KANSL1: variants seen among roughly 807,000 people sequenced by gnomAD.
KANSL1 encodes the protein KAT8 regulatory NSL complex subunit 1.
KANSL1 carries 22 observed loss-of-function variants against 103.6 expected under a neutral mutation model. The observed-to-expected ratio is 0.21, with a 90% confidence interval of 0.15 to 0.30. The LOEUF is 0.30. KANSL1 is among the 10% of genes least tolerant of loss of function. The probability of loss-of-function intolerance (pLI) is 1.00; values close to 1 mark genes in which losing one functional copy is unlikely to be tolerated. For missense variants in KANSL1, 1,337 were observed against 1,399.8 expected, an observed-to-expected ratio of 0.96 and a Z score of 0.72; for synonymous variants, 600 against 527.6, an observed-to-expected ratio of 1.14 and a Z score of -1.88.
At position 46,031,441 on chromosome 17, in the gene KANSL1, T is replaced by G; in HGVS notation, c.*35A>C. The G allele has an allele frequency of 6.6e-7, 1 of 1,525,706 alleles. No individual in the cohort carries two copies. Among genetic ancestry groups the G allele is most frequent in the South Asian group, 1.2e-5 (1 of 84,278 alleles). The allele number at this position is 1,525,706 out of a possible 1,614,324, so 94.5% of individuals were successfully genotyped here. On this transcript the variant is annotated 3_prime_UTR_variant, in exon 15 of 15. Coordinates refer to ENST00000432791, the MANE Select transcript of KANSL1 (RefSeq NM_015443.4). Reference sequence around the variant, plus strand: ...GAGATTTCTGAAGCTTTAATGCCAATAGTTAGTGAGTCTGTTTAGATGGCT... The same window carrying G: ...GAGATTTCTGAAGCTTTAATGCCAAGAGTTAGTGAGTCTGTTTAGATGGCT...
chr17:46,065,468 T>C (rs2078344215), intron 6 of KANSL1, among the ~76,000 whole-genome samples: 1 of 152,102 alleles, frequency 6.6e-6, no homozygotes, highest in Non-Finnish European at 1.5e-5. Flanking sequence ...ACAACAAAAG[T>C]GGTAACAATA....
intron 1 of KANSL1, among the ~76,000 whole-genome samples, chr17:46,212,514 C>A (rs1404770453): frequency 6.6e-6 from 1 of 152,184 alleles, no homozygotes; most frequent in South Asian, 2.1e-4. Flanking sequence ...CCACCGCACC[C>A]GGCCAGAAAA....
chr17:46,219,927 C>T (rs137877621), intron 1 of KANSL1, among the ~76,000 whole-genome samples: 7,405 of 151,282 alleles, frequency 0.049, 348 homozygotes, highest in East Asian at 0.3. Context: ...CACGGTGAAA[C>T]TCCGTCTCTA....
At chr17:46,177,872 G>T (rs8068365) in intron 1 of KANSL1, among the ~76,000 whole-genome samples, 4,461 of 152,084 alleles carry the variant, frequency 0.029, 181 homozygotes, top group African/African-American at 0.09. Flanking sequence ...CCACCTCCCG[G>T]GTTCACGCCA....
At chr17:46,093,810 A>G (rs1266469300) in intron 3 of KANSL1, 2 of 152,248 alleles carry the variant, frequency 1.3e-5, no homozygotes, top group Non-Finnish European at 2.9e-5. Flanking sequence ...CTAATATAAA[A>G]AATACTTTGC....
intron 2 of KANSL1, among the ~76,000 whole-genome samples, chr17:46,100,999 G>A (rs934515989): frequency 2.6e-5 from 4 of 152,184 alleles, no homozygotes; most frequent in African/African-American, 7.2e-5. Context: ...ATTCACACTG[G>A]TAGATAAATT....
chr17:46,170,104 T>C (rs1196647341), intron 2 of KANSL1, among the ~76,000 whole-genome samples: 1 of 152,122 alleles, frequency 6.6e-6, no homozygotes. Context: ...ATCGCACTAC[T>C]GCACTCCTGC....
chr17:46,215,782 T>C (rs145227612), intron 1 of KANSL1, among the ~76,000 whole-genome samples: 1,656 of 152,318 alleles, frequency 0.011, 28 homozygotes, highest in African/African-American at 0.038. Context: ...GGCTCACGCC[T>C]GTAATCCCAG....
intron 2 of KANSL1, among the ~76,000 whole-genome samples, chr17:46,096,117 C>T (rs2042050290): frequency 6.7e-6 from 1 of 150,338 alleles, no homozygotes; most frequent in Non-Finnish European, 1.5e-5. Context: ...ATGTGCATAC[C>T]CAACCATCAT....
At chr17:46,177,247 C>T (rs1397395083) in intron 1 of KANSL1, among the ~76,000 whole-genome samples, 2 of 152,176 alleles carry the variant, frequency 1.3e-5, no homozygotes, top group Non-Finnish European at 2.9e-5. Flanking sequence ...GAGCAACCAC[C>T]CAGTATTATT....
intron 2 of KANSL1, among the ~76,000 whole-genome samples, chr17:46,159,021 T>G (rs1318328247): frequency 6.6e-6 from 1 of 152,250 alleles, no homozygotes; most frequent in Admixed American, 6.5e-5. Context: ...AACAAAAAAT[T>G]ACAGTTACTA....
At chr17:46,086,347 G>C (rs946090737) in intron 3 of KANSL1, among the ~76,000 whole-genome samples, 4 of 152,174 alleles carry the variant, frequency 2.6e-5, no homozygotes, top group African/African-American at 9.7e-5. Context: ...AGAGGATGTA[G>C]GTCAAAGCTT....
intron 1 of KANSL1, among the ~76,000 whole-genome samples, chr17:46,211,700 G>C (rs1219148930): frequency 3.3e-5 from 5 of 152,210 alleles, no homozygotes; most frequent in South Asian, 4.1e-4. Context: ...TGAAAGCAAA[G>C]GGGCAATGTG....
chr17:46,045,882 T>C (rs62063670), intron 7 of KANSL1: 21,804 of 152,224 alleles, frequency 0.14, 2,133 homozygotes, highest in Non-Finnish European at 0.22. Flanking sequence ...GACAAAGAAA[T>C]GACTGTTCTG....
intron 2 of KANSL1, among the ~76,000 whole-genome samples, chr17:46,105,906 G>GAGAGACACACAC (rs778730504): frequency 1.1e-5 from 1 of 95,182 alleles, no homozygotes; most frequent in African/African-American, 4.6e-5. Context: ...GCAAGGCCTT[G>GAGAGACACACAC]ACACACACAC....
chr17:46,072,750 C>T (rs374065499), intron 4 of KANSL1, among the ~76,000 whole-genome samples: 5 of 152,094 alleles, frequency 3.3e-5, no homozygotes, highest in African/African-American at 7.2e-5. Flanking sequence ...CCTCACTTTC[C>T]GGCTTCTGCA....
intron 2 of KANSL1, among the ~76,000 whole-genome samples, chr17:46,158,630 A>C (rs1173076347): frequency 6.6e-6 from 1 of 152,160 alleles, no homozygotes; most frequent in Non-Finnish European, 1.5e-5. Context: ...AACCTCCACC[A>C]CCTGGGTTCA....
intron 1 of KANSL1, among the ~76,000 whole-genome samples, chr17:46,175,374 T>C (rs562093039): frequency 4.3e-4 from 64 of 148,420 alleles, no homozygotes; most frequent in Admixed American, 4.0e-3. Context: ...TTCTGAGATG[T>C]AGTCTCGCTC....
At chr17:46,046,514 G>C (rs553203720) in intron 7 of KANSL1, among the ~76,000 whole-genome samples, 2 of 116,066 alleles carry the variant, frequency 1.7e-5, no homozygotes. Context: ...CTGAGTGACA[G>C]AGTGAGACTC....
Sources: gnomAD v4.1 joint callset for allele counts (sites outside exome capture counted in the v4.1 genomes callset) on GRCh38, gnomAD v4.1.1 for gene constraint, MANE v1.5 for transcripts, NCBI Gene and HGNC (gene_info 2026-07-23, HGNC 2026-07-21) for gene names.